The following SMCO4 variants were observed in gnomAD, a reference collection of about 807,000 sequenced individuals.
The protein encoded by SMCO4 is single-pass membrane protein with coiled-coil domains 4, also known as single-pass membrane and coiled-coil domain-containing protein 4.
SMCO4 carries 4 observed loss-of-function variants against 3.6 expected under a neutral mutation model. That is an observed-to-expected ratio of 1.11 (90% CI 0.54 to 2.53). SMCO4 has a LOEUF of 2.53. Ranked by LOEUF, SMCO4 falls within the 30% of genes most tolerant of loss-of-function variation. The pLI, the probability that SMCO4 is intolerant of heterozygous loss-of-function variation, is 0.02. For synonymous variants in SMCO4, 36 were observed against 35.3 expected (o/e 1.02, Z -0.07); for missense variants, 70 against 80.8 (o/e 0.87, Z 0.51).
chr11:93,510,185 C>A (rs1381400541), intron 1 of SMCO4, among the ~76,000 whole-genome samples: 1 of 152,152 alleles, frequency 6.6e-6, no homozygotes, highest in African/African-American at 2.4e-5. Flanking sequence ...AGATGCTCAA[C>A]AAATGAAAGC....
intron 1 of SMCO4, among the ~76,000 whole-genome samples, chr11:93,510,476 G>C (rs1340697246): frequency 6.6e-6 from 1 of 152,182 alleles, no homozygotes; most frequent in African/African-American, 2.4e-5. Flanking sequence ...TTAAAAAACA[G>C]TCACTTTTCC....
chr11:93,507,541 T>A (rs548107848), intron 1 of SMCO4, among the ~76,000 whole-genome samples: 1 of 152,342 alleles, frequency 6.6e-6, no homozygotes, highest in South Asian at 2.1e-4. Flanking sequence ...TGGTATTAAA[T>A]GTGATATTTT....
intron 1 of SMCO4, among the ~76,000 whole-genome samples, chr11:93,525,970 C>G (rs1429503082): frequency 2.0e-5 from 3 of 152,212 alleles, no homozygotes; most frequent in Non-Finnish European, 2.9e-5. Context: ...CACAGAAGTC[C>G]TGCCAACAGT....
intron 1 of SMCO4, among the ~76,000 whole-genome samples, chr11:93,536,835 C>T (rs1949230201): frequency 6.6e-6 from 1 of 152,212 alleles, no homozygotes; most frequent in African/African-American, 2.4e-5. Context: ...CCAAAACAAG[C>T]TACTTATGCT....
intron 1 of SMCO4, among the ~76,000 whole-genome samples, chr11:93,540,499 C>T (rs1278921047): frequency 6.6e-6 from 1 of 152,178 alleles, no homozygotes; most frequent in African/African-American, 2.4e-5. Context: ...GTTAGGGAGC[C>T]CGTTAAGAGT....
chr11:93,542,975 G>A (rs1360743201), intron 1 of SMCO4, among the ~76,000 whole-genome samples: 1 of 150,956 alleles, frequency 6.6e-6, no homozygotes, highest in Non-Finnish European at 1.5e-5. Flanking sequence ...GCGGGCTCGC[G>A]GTCCGCCCCA....
At chr11:93,501,186 C>G (rs1262655612) in intron 1 of SMCO4, among the ~76,000 whole-genome samples, 1 of 152,188 alleles carries the variant, frequency 6.6e-6, no homozygotes, top group Non-Finnish European at 1.5e-5. Context: ...GCCAACTCTG[C>G]TGCTGGGTCA....
chr11:93,536,123 A>G (rs1430893373), intron 1 of SMCO4, among the ~76,000 whole-genome samples: 1 of 152,198 alleles, frequency 6.6e-6, no homozygotes, highest in Non-Finnish European at 1.5e-5. Context: ...AAGAAAAAAA[A>G]AAGAAGCCAA....
At chr11:93,523,066 T>C (rs1196520103) in intron 1 of SMCO4, among the ~76,000 whole-genome samples, 1 of 152,158 alleles carries the variant, frequency 6.6e-6, no homozygotes, top group Non-Finnish European at 1.5e-5. Context: ...TATACTTGTC[T>C]AGGCTCAAAC....
intron 1 of SMCO4, among the ~76,000 whole-genome samples, chr11:93,503,841 A>G (rs1948872951): frequency 6.6e-6 from 1 of 152,212 alleles, no homozygotes; most frequent in Admixed American, 6.5e-5. Flanking sequence ...TATATTTGCT[A>G]TTTTAAGCCA....
intron 1 of SMCO4, among the ~76,000 whole-genome samples, chr11:93,505,039 G>A (rs1364275177): frequency 1.3e-5 from 2 of 152,176 alleles, no homozygotes; most frequent in African/African-American, 4.8e-5. Flanking sequence ...TATTAAACAT[G>A]AGGCACTAAG....
intron 1 of SMCO4, among the ~76,000 whole-genome samples, chr11:93,515,196 G>A (rs1025650922): frequency 2.0e-5 from 3 of 152,170 alleles, no homozygotes; most frequent in Non-Finnish European, 1.5e-5. Flanking sequence ...CACAGGTCAG[G>A]TCAAGCAACT....
At chr11:93,506,872 C>T (rs1011914411) in intron 1 of SMCO4, among the ~76,000 whole-genome samples, 1 of 152,164 alleles carries the variant, frequency 6.6e-6, no homozygotes, top group Non-Finnish European at 1.5e-5. Flanking sequence ...CCGCTGCAGG[C>T]CAGAGTGCGG....
chr11:93,511,596 T>C (rs551528329), intron 1 of SMCO4, among the ~76,000 whole-genome samples: 3 of 152,262 alleles, frequency 2.0e-5, no homozygotes, highest in Admixed American at 2.0e-4. Context: ...ATGTGTCTAA[T>C]GGTCCCCATC....
At chr11:93,497,082 G>GC (rs915907779) in intron 2 of SMCO4, among the ~76,000 whole-genome samples, 22 of 152,134 alleles carry the variant, frequency 1.4e-4, no homozygotes, top group African/African-American at 5.1e-4. Flanking sequence ...GCTTTTAATA[G>GC]CCCCCCTTCT....
At chr11:93,520,536 T>C (rs1447955649) in intron 1 of SMCO4, among the ~76,000 whole-genome samples, 1 of 152,206 alleles carries the variant, frequency 6.6e-6, no homozygotes, top group Non-Finnish European at 1.5e-5. Context: ...CTCTTGACCA[T>C]TATACTTAAC....
chr11:93,535,926 T>G, intron 1 of SMCO4: 1 of 1,540,332 alleles, frequency 6.5e-7, no homozygotes, highest in South Asian at 1.2e-5. Context: ...TGTTTTCACA[T>G]AAGATTAGGG....
chr11:93,495,953 T>A (rs533276818), intron 2 of SMCO4, among the ~76,000 whole-genome samples: 5 of 152,162 alleles, frequency 3.3e-5, no homozygotes, highest in African/African-American at 4.8e-5. Flanking sequence ...AAGGGGAGAA[T>A]GTCTCACAAG....
At chr11:93,531,460 T>A (rs1290823068) in intron 1 of SMCO4, among the ~76,000 whole-genome samples, 3 of 152,210 alleles carry the variant, frequency 2.0e-5, no homozygotes, top group Admixed American at 1.3e-4. Context: ...CCATTGGCTC[T>A]CTGGGGTCTC....
Sources: allele counts gnomAD v4.1 joint callset (sites outside exome capture counted in the v4.1 genomes callset), GRCh38; gene constraint gnomAD v4.1.1; transcripts MANE v1.5; gene names NCBI Gene and HGNC (gene_info 2026-07-23, HGNC 2026-07-21).